ANP32B: variants seen among roughly 807,000 people sequenced by gnomAD.
ANP32B encodes the protein acidic nuclear phosphoprotein 32 family member B, also known as acidic leucine-rich nuclear phosphoprotein 32 family member B.
In ANP32B, 6 loss-of-function variants were observed where a neutral mutation model predicts 32.2. That is an observed-to-expected ratio of 0.19 (90% confidence interval 0.10 to 0.37). The LOEUF (loss-of-function observed/expected upper bound fraction) is 0.37, where lower values mean the gene tolerates loss of function less well. ANP32B is among the 10% of genes least tolerant of loss of function. The pLI is 1.00. For missense variants in ANP32B, 204 were observed against 289.2 expected (o/e 0.71, Z 2.14); for synonymous variants, 98 against 105.8 (o/e 0.93, Z 0.45).
intron 3 of ANP32B, chr9:98,002,300 G>T (rs1828007086): frequency 6.6e-6 from 1 of 152,110 alleles, no homozygotes; most frequent in South Asian, 2.1e-4. Flanking sequence ...AGACAAAGAA[G>T]GCATCAATTC....
chr9:97,984,300 G>GA (rs1827660597), intron 1 of ANP32B, among the ~76,000 whole-genome samples: 1 of 151,176 alleles, frequency 6.6e-6, no homozygotes, highest in African/African-American at 2.4e-5. Context: ...GGCCAAGTTT[G>GA]AAAAAAGGAC....
intron 1 of ANP32B, among the ~76,000 whole-genome samples, chr9:97,989,827 G>A (rs536382218): frequency 6.6e-6 from 1 of 152,298 alleles, no homozygotes; most frequent in African/African-American, 2.4e-5. Context: ...GAGAACCCCA[G>A]AGTTGATATA....
At chr9:98,004,175 G>A (rs1178451295) in intron 3 of ANP32B, among the ~76,000 whole-genome samples, 3 of 152,132 alleles carry the variant, frequency 2.0e-5, no homozygotes, top group African/African-American at 7.2e-5. Flanking sequence ...CTTGACTTGG[G>A]CCAACTTTTT....
chr9:97,993,498 A>G (rs541505159), intron 1 of ANP32B, among the ~76,000 whole-genome samples: 16 of 152,338 alleles, frequency 1.1e-4, no homozygotes, highest in African/African-American at 3.4e-4. Context: ...GGTAATTTGC[A>G]TCACTGTGAG....
At chr9:97,985,080 G>T (rs1282848443) in intron 1 of ANP32B, among the ~76,000 whole-genome samples, 2 of 148,600 alleles carry the variant, frequency 1.3e-5, no homozygotes, top group African/African-American at 5.0e-5. Flanking sequence ...CCCCCCCGCC[G>T]CGGACCGGCG....
chr9:98,014,616 T>C (rs971570954), intron 6 of ANP32B, among the ~76,000 whole-genome samples: 25 of 152,244 alleles, frequency 1.6e-4, no homozygotes, highest in Non-Finnish European at 3.1e-4. Context: ...TTGTGTGTTA[T>C]TTAATTCTCA....
chr9:97,983,466 C>A lies in ANP32B; in HGVS notation c.-90C>A. The A allele has an allele frequency of 8.0e-7, 1 of 1,242,622 alleles. No individual in the cohort carries two copies. Among genetic ancestry groups the A allele is most frequent in the Non-Finnish European group, 1.1e-6 (1 of 881,996 alleles). The allele number at this position is 1,242,622 out of a possible 1,614,324, so 77.0% of individuals were successfully genotyped here. ...GGCCTCCGCCGCTAGCAAACCCTTC[C>A]GACGGCCCTCGCTGCGCAAGCCGGG... On this transcript the variant is annotated 5_prime_UTR_variant, in exon 1 of 7. Transcript: ENST00000339399.
intron 2 of ANP32B, among the ~76,000 whole-genome samples, chr9:97,996,243 G>T (rs903540151): frequency 6.6e-6 from 1 of 152,278 alleles, no homozygotes; most frequent in African/African-American, 2.4e-5. Context: ...TGTGTTTTGT[G>T]TTGTTTTCCT....
intron 1 of ANP32B, among the ~76,000 whole-genome samples, chr9:97,992,141 G>A (rs1317920455): frequency 6.6e-6 from 1 of 152,018 alleles, no homozygotes; most frequent in East Asian, 1.9e-4. Context: ...CGAGGCTGGG[G>A]TGCAGTGGCA....
At chr9:97,991,851 T>C (rs532044904) in intron 1 of ANP32B, among the ~76,000 whole-genome samples, 3 of 152,212 alleles carry the variant, frequency 2.0e-5, no homozygotes, top group Non-Finnish European at 4.4e-5. Flanking sequence ...ATTTATAATA[T>C]ATCCACACAC....
At chr9:97,987,354 T>C (rs1827753921) in intron 1 of ANP32B, among the ~76,000 whole-genome samples, 1 of 152,192 alleles carries the variant, frequency 6.6e-6, no homozygotes, top group South Asian at 2.1e-4. Context: ...GGAAATATTT[T>C]ATATAAAATA....
At chr9:97,986,305 TA>T (rs1185354064) in intron 1 of ANP32B, among the ~76,000 whole-genome samples, 3 of 152,272 alleles carry the variant, frequency 2.0e-5, no homozygotes, top group African/African-American at 7.2e-5. Context: ...GTTTATTAAG[TA>T]AACATTTTAA....
chr9:98,013,621 G>A (rs1278166480), intron 6 of ANP32B, among the ~76,000 whole-genome samples: 1 of 152,088 alleles, frequency 6.6e-6, no homozygotes, highest in Non-Finnish European at 1.5e-5. Context: ...AGCTGGGACC[G>A]GGTGTGGTGA....
chr9:98,004,476 G>A (rs1018332166), intron 3 of ANP32B, among the ~76,000 whole-genome samples: 2 of 152,078 alleles, frequency 1.3e-5, no homozygotes, highest in Non-Finnish European at 2.9e-5. Context: ...TCATCCTCTA[G>A]TGTTTCATGT....
intron 2 of ANP32B, among the ~76,000 whole-genome samples, chr9:97,996,876 A>G (rs1276437984): frequency 6.6e-6 from 1 of 152,158 alleles, no homozygotes; most frequent in Non-Finnish European, 1.5e-5. Flanking sequence ...CTGGGATTAC[A>G]GGTGTGAGCC....
chr9:97,995,154 A>G (rs1827884609), intron 2 of ANP32B, among the ~76,000 whole-genome samples: 1 of 152,234 alleles, frequency 6.6e-6, no homozygotes, highest in African/African-American at 2.4e-5. Context: ...AAAGGGACCA[A>G]ATGCAACATA....
At chr9:98,014,436 G>A (rs1170628688) in intron 6 of ANP32B, among the ~76,000 whole-genome samples, 1 of 151,708 alleles carries the variant, frequency 6.6e-6, no homozygotes, top group Non-Finnish European at 1.5e-5. Context: ...TATGAAATAT[G>A]ATTTAACATA....
At chr9:97,991,924 T>TC (rs1827830752) in intron 1 of ANP32B, among the ~76,000 whole-genome samples, 1 of 152,226 alleles carries the variant, frequency 6.6e-6, no homozygotes, top group Non-Finnish European at 1.5e-5. Flanking sequence ...CAGGTTTTCA[T>TC]CTTAGTCCCC....
intron 6 of ANP32B, among the ~76,000 whole-genome samples, chr9:98,012,721 G>A (rs755058131): frequency 1.1e-4 from 16 of 151,942 alleles, no homozygotes; most frequent in Non-Finnish European, 7.4e-5. Flanking sequence ...GGTTTTTTTC[G>A]GGGTGGTGGT....
Sources: allele counts gnomAD v4.1 joint callset (sites outside exome capture counted in the v4.1 genomes callset), GRCh38; gene constraint gnomAD v4.1.1; transcripts MANE v1.5; gene names NCBI Gene and HGNC (gene_info 2026-07-23, HGNC 2026-07-21).